GRAMD1B: variants seen among roughly 807,000 people sequenced by gnomAD.
GRAMD1B encodes the protein GRAM domain containing 1B.
In GRAMD1B, 37 loss-of-function variants were observed where a neutral mutation model predicts 99.7. The observed-to-expected ratio is 0.37, with a 90% CI of 0.29 to 0.49. The LOEUF is 0.49. Ranked by LOEUF, GRAMD1B falls within the 20% of genes least tolerant of loss-of-function variation. The pLI, the probability that GRAMD1B is intolerant of heterozygous loss-of-function variation, is 0.98. For missense variants in GRAMD1B, 888 were observed against 1,009.2 expected, an observed-to-expected ratio of 0.88 and a Z score of 1.63; for synonymous variants, 427 against 387.6, an observed-to-expected ratio of 1.10 and a Z score of -1.19.
intron 2 of GRAMD1B, among the ~76,000 whole-genome samples, chr11:123,567,863 GA>G (rs1947567494): frequency 6.6e-6 from 1 of 152,212 alleles, no homozygotes; most frequent in African/African-American, 2.4e-5. Flanking sequence ...AAGGGTAACT[GA>G]AGTGCTACTT....
chr11:123,504,249 G>A (rs776761477), intron 2 of GRAMD1B, among the ~76,000 whole-genome samples: 2 of 152,118 alleles, frequency 1.3e-5, no homozygotes, highest in Non-Finnish European at 2.9e-5. Flanking sequence ...CACAAGGTAC[G>A]AGCTCCCCTA....
At chr11:123,543,139 G>A (rs1173937945) in intron 2 of GRAMD1B, among the ~76,000 whole-genome samples, 1 of 152,090 alleles carries the variant, frequency 6.6e-6, no homozygotes, top group Admixed American at 6.5e-5. Context: ...TTCTGGGTGG[G>A]AAGACACCAG....
intron 2 of GRAMD1B, among the ~76,000 whole-genome samples, chr11:123,481,460 A>G (rs1345887833): frequency 6.6e-6 from 1 of 152,004 alleles, no homozygotes; most frequent in Non-Finnish European, 1.5e-5. Context: ...TCTAAAAACA[A>G]CAACAACAAC....
intron 1 of GRAMD1B, among the ~76,000 whole-genome samples, chr11:123,410,123 T>G (rs1469552226): frequency 1.3e-5 from 2 of 152,076 alleles, no homozygotes; most frequent in African/African-American, 4.8e-5. Context: ...AGGTTTATGA[T>G]TATGAGGTCA....
At chr11:123,472,545 A>G (rs1951068764) in intron 1 of GRAMD1B, among the ~76,000 whole-genome samples, 1 of 152,194 alleles carries the variant, frequency 6.6e-6, no homozygotes, top group African/African-American at 2.4e-5. Flanking sequence ...TTAGGAGTGA[A>G]GGTTTAATAG....
chr11:123,583,190 A>G (rs1949601343), intron 3 of GRAMD1B, among the ~76,000 whole-genome samples: 1 of 147,134 alleles, frequency 6.8e-6, no homozygotes, highest in Non-Finnish European at 1.5e-5. Context: ...GTGTTTGTGT[A>G]TATGTGTGTG....
intron 1 of GRAMD1B, among the ~76,000 whole-genome samples, chr11:123,414,172 G>A (rs1303081262): frequency 1.3e-5 from 2 of 151,888 alleles, no homozygotes; most frequent in East Asian, 3.9e-4. Flanking sequence ...AGCTTCCTGA[G>A]TAGCTGGGAC....
At position 123,623,396 on chromosome 11, in the gene GRAMD1B, GT is replaced by G. The variant is rs1955325463; in HGVS notation, c.*804del. 6.6e-6 allele frequency: 1 copy of G among 152,202 alleles called. No individual in the cohort carries two copies. The allele number at this position is 152,202 out of a possible 1,614,324, so 9.4% of individuals were successfully genotyped here. Reference sequence around the variant, plus strand: ...ACTTTTTAGTGCCTAAAGTCCTATTGTTTCTCTGTGCCCTAAGAGCACATTG... The same window carrying G: ...ACTTTTTAGTGCCTAAAGTCCTATTGTTCTCTGTGCCCTAAGAGCACATTG... On this transcript the variant is annotated 3_prime_UTR_variant, in exon 20 of 20. Transcript: ENST00000635736.
intron 2 of GRAMD1B, among the ~76,000 whole-genome samples, chr11:123,553,099 C>T (rs1000532498): frequency 1.3e-5 from 2 of 152,178 alleles, no homozygotes; most frequent in Non-Finnish European, 2.9e-5. Flanking sequence ...CACCCCCAGA[C>T]ATTCTTGTTT....
chr11:123,600,891 G>A (rs1051606245), intron 8 of GRAMD1B, among the ~76,000 whole-genome samples: 1 of 152,144 alleles, frequency 6.6e-6, no homozygotes, highest in African/African-American at 2.4e-5. Flanking sequence ...GAAGCACCAG[G>A]GTCAGTCAGG....
intron 2 of GRAMD1B, among the ~76,000 whole-genome samples, chr11:123,509,177 T>A (rs1940733618): frequency 6.6e-6 from 1 of 152,196 alleles, no homozygotes; most frequent in Admixed American, 6.5e-5. Context: ...ACTGGGAGAC[T>A]GACATCCTTG....
intron 1 of GRAMD1B, among the ~76,000 whole-genome samples, chr11:123,403,612 C>T (rs1032063020): frequency 4.0e-5 from 6 of 151,714 alleles, no homozygotes; most frequent in Non-Finnish European, 7.4e-5. Context: ...GCAGCAATCT[C>T]GGCTCACTAC....
In GRAMD1B at chr11:123,610,197, C is replaced by T; in HGVS notation, c.1778C>T (p.Thr593Ile). Residue 593 changes from threonine to isoleucine, a missense_variant and splice_region_variant, in exon 14 of 20, where the codon ACC (threonine) becomes ATC (isoleucine). Physicochemically the swap from Thr to Ile is moderately conservative, Grantham distance 89. Transcript: ENST00000635736. This position sits in a 1 kb window ranked among gnomAD's most constrained non-coding sequence, Gnocchi z 4.1. ...PKTATVRETQTMYKASQESEC... is the reference protein window; with the variant it reads ...PKTATVRETQIMYKASQESEC... ...CCAATGGACCTTTCCTGCCCGCAGA[C>T]CATGTACAAGGCGAGCCAGGAGAGT... The T allele has an allele frequency of 6.2e-7, 1 of 1,613,814 alleles. No individual in the cohort carries two copies. Among genetic ancestry groups the T allele is most frequent in the Non-Finnish European group, 8.5e-7 (1 of 1,179,808 alleles).
At chr11:123,555,094 A>T in intron 2 of GRAMD1B, among the ~76,000 whole-genome samples, 1 of 152,154 alleles carries the variant, frequency 6.6e-6, no homozygotes, top group East Asian at 1.9e-4. Context: ...AGCGCCCTCT[A>T]CTGACAAGAT....
chr11:123,459,113 A>C (rs1018428834), intron 1 of GRAMD1B: 2 of 151,646 alleles, frequency 1.3e-5, no homozygotes, highest in Non-Finnish European at 2.9e-5. Context: ...AAGAACATGC[A>C]CTGCATTGTA....
chr11:123,393,505 C>A (rs1387839144), intron 1 of GRAMD1B, among the ~76,000 whole-genome samples: 5 of 152,038 alleles, frequency 3.3e-5, no homozygotes, highest in Non-Finnish European at 5.9e-5. Flanking sequence ...GCTGGAGGAT[C>A]CAGTTCCAAG....
At chr11:123,515,773 C>CT (rs35378274) in intron 2 of GRAMD1B, among the ~76,000 whole-genome samples, 36,845 of 147,204 alleles carry the variant, frequency 0.25, 5,389 homozygotes, top group East Asian at 0.52. Context: ...ATATTCAAAC[C>CT]TTTTTTTTTT....
At chr11:123,577,340 G>C in intron 2 of GRAMD1B, 27 bp from the exon 3 acceptor site, 1 of 1,542,840 alleles carries the variant, frequency 6.5e-7, no homozygotes, top group Non-Finnish European at 8.8e-7. Flanking sequence ...TTTCCACCCC[G>C]CTCCCTCTCT....
At chr11:123,504,741 G>A (rs574204151) in intron 2 of GRAMD1B, among the ~76,000 whole-genome samples, 12 of 152,224 alleles carry the variant, frequency 7.9e-5, no homozygotes, top group African/African-American at 2.6e-4. Flanking sequence ...GAGTGCCATG[G>A]TGCAATCCCG....
Sources: gnomAD v4.1 joint callset for allele counts (sites outside exome capture counted in the v4.1 genomes callset) on GRCh38, gnomAD v4.1.1 for gene constraint, Gnocchi (gnomAD v3.1) non-coding constraint, MANE v1.5 for transcripts, NCBI Gene and HGNC (gene_info 2026-07-23, HGNC 2026-07-21) for gene names.